Variants in ITGBL1 observed in about 807,000 individuals in gnomAD.
The protein encoded by ITGBL1 is integrin subunit beta like 1.
ITGBL1 carries 51 observed loss-of-function variants against 68.5 expected under a neutral mutation model. The ratio of observed to expected loss-of-function variants is 0.74; its 90% CI spans 0.59 to 0.94. The LOEUF is 0.94. Ranked by LOEUF, ITGBL1 falls within the 40% of genes least tolerant of loss-of-function variation. The pLI, the probability that ITGBL1 is intolerant of heterozygous loss-of-function variation, is 0.00. For synonymous variants in ITGBL1, 209 were observed against 227.3 expected, an observed-to-expected ratio of 0.92 and a Z score of 0.72; for missense variants, 649 against 647.4, an observed-to-expected ratio of 1.00 and a Z score of -0.03.
intron 8 of ITGBL1, chr13:101,693,065 A>G (rs1247522271): frequency 5.4e-6 from 1 of 184,116 alleles, no homozygotes; most frequent in Non-Finnish European, 1.1e-5. Context: ...CAAACTTGAA[A>G]AAATGGAGTA....
intron 7 of ITGBL1, among the ~76,000 whole-genome samples, chr13:101,600,846 T>A (rs968678141): frequency 6.6e-6 from 1 of 152,202 alleles, no homozygotes; most frequent in Admixed American, 6.5e-5. Flanking sequence ...TTGCCAGTAT[T>A]TGATTGAGGA....
chr13:101,685,089 T>C (rs1377389324), intron 7 of ITGBL1, among the ~76,000 whole-genome samples: 1 of 152,030 alleles, frequency 6.6e-6, no homozygotes, highest in Non-Finnish European at 1.5e-5. Context: ...ACCATACTTG[T>C]TATTTCAGAC....
chr13:101,456,598 A>G (rs957067643), intron 2 of ITGBL1, among the ~76,000 whole-genome samples: 1 of 152,164 alleles, frequency 6.6e-6, no homozygotes, highest in Admixed American at 6.5e-5. Context: ...CTCTTATAGT[A>G]CTATATCATG....
chr13:101,643,639 C>A (rs957554250), intron 7 of ITGBL1, among the ~76,000 whole-genome samples: 4 of 152,062 alleles, frequency 2.6e-5, no homozygotes, highest in African/African-American at 9.7e-5. Flanking sequence ...CATATGTAAT[C>A]TTTAGTCACC....
intron 2 of ITGBL1, among the ~76,000 whole-genome samples, chr13:101,549,672 C>T (rs2049888730): frequency 6.6e-6 from 1 of 151,842 alleles, no homozygotes; most frequent in African/African-American, 2.4e-5. Context: ...GATTTATAAA[C>T]CAATGAGAAG....
chr13:101,537,335 T>C (rs575225452), intron 2 of ITGBL1, among the ~76,000 whole-genome samples: 1 of 152,144 alleles, frequency 6.6e-6, no homozygotes, highest in Admixed American at 6.6e-5. Context: ...AGGAAATATT[T>C]AAAATGGAAT....
intron 6 of ITGBL1, among the ~76,000 whole-genome samples, chr13:101,594,092 T>G (rs1256013467): frequency 6.6e-6 from 1 of 152,046 alleles, no homozygotes; most frequent in African/African-American, 2.4e-5. Flanking sequence ...AATCTTAAAA[T>G]TCACATGGAA....
chr13:101,557,867 G>T (rs1048347652), intron 2 of ITGBL1, among the ~76,000 whole-genome samples: 3 of 151,972 alleles, frequency 2.0e-5, no homozygotes, highest in Admixed American at 6.6e-5. Context: ...GAGGTGGGCG[G>T]ATCATGAGGT....
intron 2 of ITGBL1, among the ~76,000 whole-genome samples, chr13:101,556,504 A>G (rs1280177211): frequency 6.6e-6 from 1 of 152,068 alleles, no homozygotes; most frequent in African/African-American, 2.4e-5. Flanking sequence ...GGGTGGTGGC[A>G]CATGCCTGTA....
chr13:101,578,506 G>C (rs530558450), intron 4 of ITGBL1, among the ~76,000 whole-genome samples: 1 of 152,300 alleles, frequency 6.6e-6, no homozygotes, highest in South Asian at 2.1e-4. Context: ...TTTGCAGAAG[G>C]ATTGCTAGGT....
intron 2 of ITGBL1, among the ~76,000 whole-genome samples, chr13:101,548,912 A>G (rs1219893889): frequency 6.6e-6 from 1 of 151,866 alleles, no homozygotes; most frequent in African/African-American, 2.4e-5. Flanking sequence ...TTGGAATTAA[A>G]TAAGCTGAGT....
chr13:101,603,427 C>T (rs1281950756), intron 7 of ITGBL1, among the ~76,000 whole-genome samples: 1 of 151,636 alleles, frequency 6.6e-6, no homozygotes, highest in Non-Finnish European at 1.5e-5. Flanking sequence ...TTTGACTAGC[C>T]CTGTATTTCA....
intron 7 of ITGBL1, among the ~76,000 whole-genome samples, chr13:101,649,493 A>G (rs75025107): frequency 0.013 from 2,017 of 152,316 alleles, 49 homozygotes; most frequent in African/African-American, 0.046. Context: ...TAGCAGAGCT[A>G]CATTTTGAAT....
intron 7 of ITGBL1, among the ~76,000 whole-genome samples, chr13:101,641,247 T>C (rs1040221073): frequency 6.6e-6 from 1 of 152,168 alleles, no homozygotes; most frequent in Admixed American, 6.5e-5. Flanking sequence ...AATGTCTGAG[T>C]GCAACAGTAG....
At position 101,538,359 on chromosome 13, in the gene ITGBL1, G is replaced by A. The variant is rs1023477542; in HGVS notation, c.317-29340G>A. 2.0e-5 allele frequency among the ~76,000 whole-genome samples: 3 copies of A among 151,130 alleles called. No individual in the cohort carries two copies. In the South Asian group the frequency reaches 6.4e-4, roughly 32 times the overall value. On this transcript the variant is annotated intron_variant, in intron 2 of 10. Coordinates refer to ENST00000376180, the MANE Select transcript of ITGBL1 (RefSeq NM_004791.3). ...GACTAGAAGTAATGAATATGAGGAG[G>A]CATACTGGGGGGTCTAGAAAAGTTT... is the stretch of plus-strand genomic sequence containing the variant.
At chr13:101,575,010 G>A (rs2139269561) in intron 3 of ITGBL1, among the ~76,000 whole-genome samples, 1 of 152,202 alleles carries the variant, frequency 6.6e-6, no homozygotes, top group South Asian at 2.1e-4. Flanking sequence ...TTCAAACATA[G>A]TGCAAAACAT....
chr13:101,627,092 G>A (rs905821899), intron 7 of ITGBL1, among the ~76,000 whole-genome samples: 1 of 152,048 alleles, frequency 6.6e-6, no homozygotes, highest in Admixed American at 6.6e-5. Flanking sequence ...ATTGAAACTT[G>A]CGGTTTTCTG....
chr13:101,555,029 T>G (rs772323635), intron 2 of ITGBL1, among the ~76,000 whole-genome samples: 23 of 152,202 alleles, frequency 1.5e-4, no homozygotes, highest in Non-Finnish European at 3.1e-4. Context: ...AAACAACATC[T>G]TTAATATTAC....
intron 2 of ITGBL1, among the ~76,000 whole-genome samples, chr13:101,464,266 CCTT>C (rs1323729119): frequency 6.6e-6 from 1 of 152,100 alleles, no homozygotes; most frequent in Non-Finnish European, 1.5e-5. Flanking sequence ...TTGATCCCCT[CCTT>C]CTCATCACAT....
Sources: gnomAD v4.1 joint callset for allele counts (sites outside exome capture counted in the v4.1 genomes callset) on GRCh38, gnomAD v4.1.1 for gene constraint, MANE v1.5 for transcripts, NCBI Gene and HGNC (gene_info 2026-07-23, HGNC 2026-07-21) for gene names.